AGPAT4: variants seen among roughly 807,000 people sequenced by gnomAD.
AGPAT4 encodes 1-acyl-sn-glycerol-3-phosphate acyltransferase delta.
In AGPAT4, 15 loss-of-function variants were observed where a neutral mutation model predicts 48.0. The observed-to-expected ratio is 0.31, with a 90% confidence interval of 0.21 to 0.48. AGPAT4 has a LOEUF of 0.48. Ranked by LOEUF, AGPAT4 falls within the 20% of genes least tolerant of loss-of-function variation. AGPAT4 has a pLI of 0.99. For missense variants in AGPAT4, 314 were observed against 482.5 expected (o/e 0.65, Z 3.27); for synonymous variants, 178 against 198.7 (o/e 0.90, Z 0.88).
In AGPAT4 at chr6:161,214,164, A is replaced by G. The variant is rs1376371774; in HGVS notation, c.178+17872T>C. 6.6e-6 allele frequency among the ~76,000 whole-genome samples: 1 copy of G among 152,120 alleles called. No homozygotes were observed. The highest frequency in any genetic ancestry group is 1.5e-5 in the Non-Finnish European group (1 of 68,006). On this transcript the variant is annotated intron_variant, in intron 2 of 8. Coordinates refer to ENST00000320285, the MANE Select transcript of AGPAT4 (RefSeq NM_020133.3). This position sits in a 1 kb window ranked among gnomAD's most constrained non-coding sequence, Gnocchi z 5.4. ...GTGACCTGGAAGCCCCTCTCCTTCG[A>G]GTTGTCCTGCCTTTCCAGACCAAAC...
At position 161,131,730 on chromosome 6, in the gene AGPAT4, G is replaced by A. The variant is rs1778905380; in HGVS notation, c.*4810C>T. The A allele has an allele frequency of 6.6e-6, 1 of 152,234 alleles. No homozygotes were observed. The highest frequency in any genetic ancestry group is 6.5e-5 in the Admixed American group (1 of 15,284). The allele number at this position is 152,234 out of a possible 1,614,324, so 9.4% of individuals were successfully genotyped here. ...TAGCAGTAATTTCAAACAGTTGAAT[G>A]TCGTGATCGATACTATGTCAGTTGG... On this transcript the variant is annotated 3_prime_UTR_variant, in exon 9 of 9. Transcript: ENST00000320285.
At position 161,257,027 on chromosome 6, in the gene AGPAT4, C is replaced by T. The variant is rs145811920; in HGVS notation, c.-90+16911G>A. 2.1e-3 allele frequency among the ~76,000 whole-genome samples: 320 copies of T among 152,342 alleles called. 1 individual carries two copies. Among genetic ancestry groups the T allele is most frequent in the African/African-American group, 7.4e-3 (307 of 41,584 alleles). ...GTGGAGGCAGAGGTCTTCACTTTTC[C>T]TCTAAGTCCTTACTAAGAATTTTCC... is the stretch of plus-strand genomic sequence containing the variant. On this transcript the variant is annotated intron_variant, in intron 1 of 8. Coordinates refer to ENST00000320285, the MANE Select transcript of AGPAT4 (RefSeq NM_020133.3).
rs562765031 is a variant in AGPAT4 at position 161,249,480 on chromosome 6, C to G, written c.-89-17178G>C. Among the ~76,000 whole-genome samples the G allele has an allele frequency of 6.6e-6, 1 of 152,192 alleles. No homozygotes were observed. Among genetic ancestry groups the G allele is most frequent in the South Asian group, 2.1e-4 (1 of 4,814 alleles). On this transcript the variant is annotated intron_variant, in intron 1 of 8. Transcript: ENST00000320285. This position sits in a 1 kb window ranked among gnomAD's most constrained non-coding sequence, Gnocchi z 6.2. ...AAATAAATTTACGAGAAAAAACACACAACCCCATTAAAAAGTGGGCAAAGG... is the reference window on the plus strand; with the variant it reads ...AAATAAATTTACGAGAAAAAACACAGAACCCCATTAAAAAGTGGGCAAAGG...
Position 161,139,010 on chromosome 6 carries a change from C to A in AGPAT4, c.1042+412G>T, listed in dbSNP as rs767254958. On this transcript the variant is annotated intron_variant, in intron 8 of 8. Coordinates refer to ENST00000320285, the MANE Select transcript of AGPAT4 (RefSeq NM_020133.3). This position sits in a 1 kb window ranked among gnomAD's most constrained non-coding sequence, Gnocchi z 9.1. ...GCAGCAAAGGAGAAGCCACAGGCGC[C>A]CCCAGAGGAAGGCAGGGAGCTGCCC... Among the ~76,000 whole-genome samples, 1 of 152,208 alleles carries A rather than the reference C, an allele frequency of 6.6e-6. No individual in the cohort carries two copies. Among genetic ancestry groups the A allele is most frequent in the Non-Finnish European group, 1.5e-5 (1 of 68,042 alleles).
chr6:161,260,761 C>A (rs577962378), intron 1 of AGPAT4, among the ~76,000 whole-genome samples: 2 of 151,690 alleles, frequency 1.3e-5, no homozygotes, highest in South Asian at 4.2e-4. Context: ...GTGGTGTGCA[C>A]CCATAGTCCC....
chr6:161,131,022 AATT>A lies in AGPAT4; in HGVS notation c.*5515_*5517del, dbSNP rs1778884761. Reference sequence around the variant, plus strand: ...GTAATTTATTTTGGAAATGCAAAGGAATTATTATGCAGCAATCTTAACTTTGTG... The same window carrying A: ...GTAATTTATTTTGGAAATGCAAAGGAATTATGCAGCAATCTTAACTTTGTG... On this transcript the variant is annotated 3_prime_UTR_variant, in exon 9 of 9. Transcript: ENST00000320285. 1 of 421,568 alleles carries A rather than the reference AATT, an allele frequency of 2.4e-6. No homozygotes were observed. The highest frequency in any genetic ancestry group is 3.7e-4 in the Middle Eastern group (1 of 2,708). The allele number at this position is 421,568 out of a possible 1,614,324, so 26.1% of individuals were successfully genotyped here. A position where few individuals can be genotyped will look rare whatever the true frequency, so the allele number is the denominator to read the frequency against.
Position 161,251,054 on chromosome 6 carries a change from G to A in AGPAT4, c.-89-18752C>T, listed in dbSNP as rs571473806. ...TTAGCTTATTGGAGGTTTAAATTAC[G>A]ATGAAGTAAGAACTGTAATTTCTTT... On this transcript the variant is annotated intron_variant, in intron 1 of 8. Coordinates refer to ENST00000320285, the MANE Select transcript of AGPAT4 (RefSeq NM_020133.3). The surrounding 1 kb of genome is among the most constrained non-coding windows in gnomAD (Gnocchi z 4.6). 5.9e-5 allele frequency among the ~76,000 whole-genome samples: 9 copies of A among 152,212 alleles called. No individual in the cohort carries two copies. The highest frequency in any genetic ancestry group is 1.9e-4 in the East Asian group (1 of 5,188).
rs1780874769 is a variant in AGPAT4, at chr6:161,189,950, TTG to T, written c.179-23535_179-23534del. ...CTATTGATGGCATCCCTTAGTTTAA[TTG>T]GAGCATTTCTTTTCCTTTCTTAGAG... On this transcript the variant is annotated intron_variant, in intron 2 of 8. Coordinates refer to ENST00000320285, the MANE Select transcript of AGPAT4 (RefSeq NM_020133.3). This position sits in a 1 kb window ranked among gnomAD's most constrained non-coding sequence, Gnocchi z 5.3. 1.3e-5 allele frequency among the ~76,000 whole-genome samples: 2 copies of T among 152,254 alleles called. No homozygotes were observed. The highest frequency in any genetic ancestry group is 1.3e-4 in the Admixed American group (2 of 15,292).
Position 161,166,503 on chromosome 6 carries a change from C to T in AGPAT4, c.179-86G>A, listed in dbSNP as rs926893961. On this transcript the variant is annotated intron_variant, in intron 2 of 8. Transcript: ENST00000320285. This position sits in a 1 kb window ranked among gnomAD's most constrained non-coding sequence, Gnocchi z 6.7. ...TGAGAGCAGGGCTCTGCCCTCCCAG[C>T]TAGGGGAGAAAGCAACTTCTACGGG... 1 of 1,469,970 alleles carries T rather than the reference C, an allele frequency of 6.8e-7. No individual in the cohort carries two copies. The highest frequency in any genetic ancestry group is 9.1e-7 in the Non-Finnish European group (1 of 1,099,510). 91.1% of individuals were successfully genotyped at this position (1,469,970 alleles called of 1,614,324 possible).
Position 161,259,407 on chromosome 6 carries a change from T to G in AGPAT4, c.-90+14531A>C, listed in dbSNP as rs1407603158. On this transcript the variant is annotated intron_variant, in intron 1 of 8. Coordinates refer to ENST00000320285, the MANE Select transcript of AGPAT4 (RefSeq NM_020133.3). The surrounding 1 kb of genome is among the most constrained non-coding windows in gnomAD (Gnocchi z 4.9). Reference sequence around the variant, plus strand: ...TATGACCTTGGCTGTCCGCAGCGCGTATGCTTTGAGTTGCTGGTGATCACG... The same window carrying G: ...TATGACCTTGGCTGTCCGCAGCGCGGATGCTTTGAGTTGCTGGTGATCACG... Among the ~76,000 whole-genome samples, 1 of 152,090 alleles carries G rather than the reference T, an allele frequency of 6.6e-6. No individual in the cohort carries two copies. The highest frequency in any genetic ancestry group is 1.5e-5 in the Non-Finnish European group (1 of 68,018).
At chr6:161,271,191 C>G (rs1409528275) in intron 1 of AGPAT4, among the ~76,000 whole-genome samples, 1 of 150,856 alleles carries the variant, frequency 6.6e-6, no homozygotes. Flanking sequence ...ACTGACTTCT[C>G]CCTTCTTGGA....
In AGPAT4 at chr6:161,272,731, CAA is replaced by C. The variant is rs1491180989; in HGVS notation, c.-90+1205_-90+1206del. On this transcript the variant is annotated intron_variant, in intron 1 of 8. Coordinates refer to ENST00000320285, the MANE Select transcript of AGPAT4 (RefSeq NM_020133.3). This position sits in a 1 kb window ranked among gnomAD's most constrained non-coding sequence, Gnocchi z 4.2. The stretch of plus-strand genomic sequence containing the variant: ...ACACACACACACACACACACACACA[CAA>C]ACACACACATTCTCCCTTCTCTCAA... Among the ~76,000 whole-genome samples, 4 of 151,788 alleles carry C rather than the reference CAA, an allele frequency of 2.6e-5. No individual in the cohort carries two copies. The highest frequency in any genetic ancestry group is 2.0e-4 in the Admixed American group (3 of 15,242).
At position 161,131,432 on chromosome 6, in the gene AGPAT4, C is replaced by G. The variant is rs1156540504; in HGVS notation, c.*5108G>C. The G allele has an allele frequency of 6.6e-6, 1 of 152,610 alleles. No homozygotes were observed. Among genetic ancestry groups the G allele is most frequent in the Non-Finnish European group, 1.5e-5 (1 of 68,336 alleles). 9.5% of individuals were successfully genotyped at this position (152,610 alleles called of 1,614,324 possible). A position where few individuals can be genotyped will look rare whatever the true frequency, so the allele number is the denominator to read the frequency against. ...CAAAATATTGACTGTACAAATTACT[C>G]AAGTTTATTTTGGCCTAATTATTCT... On this transcript the variant is annotated 3_prime_UTR_variant, in exon 9 of 9. Coordinates refer to ENST00000320285, the MANE Select transcript of AGPAT4 (RefSeq NM_020133.3).
In AGPAT4 at chr6:161,142,724, C is replaced by T. The variant is rs1261100619; in HGVS notation, c.844-3104G>A. Among the ~76,000 whole-genome samples, 7 of 152,080 alleles carry T rather than the reference C, an allele frequency of 4.6e-5. No homozygotes were observed. The South Asian group carries it at 6.2e-4, about 14-fold the overall frequency. ...AAGTTGAGGAACAGAGAGGAAGAAG[C>T]GGCTCCTCTTAGTCAGCAAGTCTGG... On this transcript the variant is annotated intron_variant, in intron 7 of 8. Coordinates refer to ENST00000320285, the MANE Select transcript of AGPAT4 (RefSeq NM_020133.3). The surrounding 1 kb of genome is among the most constrained non-coding windows in gnomAD (Gnocchi z 6.4).
rs1782920889 is a variant in AGPAT4, at chr6:161,255,459, G to A, written c.-90+18479C>T. ...GCGTTGCTCTCGATAGCCAAAGGCC[G>A]AAACAGCCCCAGTGTTCATCAACTG... On this transcript the variant is annotated intron_variant, in intron 1 of 8. Coordinates refer to ENST00000320285, the MANE Select transcript of AGPAT4 (RefSeq NM_020133.3). The surrounding 1 kb of genome is among the most constrained non-coding windows in gnomAD (Gnocchi z 4.7). Among the ~76,000 whole-genome samples, 1 of 152,116 alleles carries A rather than the reference G, an allele frequency of 6.6e-6. No homozygotes were observed. The highest frequency in any genetic ancestry group is 1.5e-5 in the Non-Finnish European group (1 of 68,020).
intron 2 of AGPAT4, among the ~76,000 whole-genome samples, chr6:161,172,521 A>G (rs890773585): frequency 9.9e-5 from 15 of 152,234 alleles, no homozygotes; most frequent in African/African-American, 2.4e-5. Context: ...CCACCTGGGA[A>G]AGGCCAGCTG....
Position 161,137,595 on chromosome 6 carries a change from C to CAGAA in AGPAT4, c.1043-965_1043-962dup, listed in dbSNP as rs1779107739. ...CAGTGAGAGTGGAGTTATTGTAGAG[C>CAGAA]AGAAAGAAGTGAGTAAAACGTGGAC... On this transcript the variant is annotated intron_variant, in intron 8 of 8. Transcript: ENST00000320285. This position sits in a 1 kb window ranked among gnomAD's most constrained non-coding sequence, Gnocchi z 6.1. Among the ~76,000 whole-genome samples, 1 of 152,124 alleles carries CAGAA rather than the reference C, an allele frequency of 6.6e-6. No individual in the cohort carries two copies. The highest frequency in any genetic ancestry group is 6.5e-5 in the Admixed American group (1 of 15,284).
rs779793702 is a variant in AGPAT4, at chr6:161,136,502, T to TC, written c.*37dup. 7 of 1,577,498 alleles carry TC rather than the reference T, an allele frequency of 4.4e-6. No homozygotes were observed. Among genetic ancestry groups the TC allele is most frequent in the Non-Finnish European group, 6.1e-6 (7 of 1,147,274 alleles). ...AGGAGGATATGCAGAGGCCACCAGT[T>TC]CCCCAAGGTTCCCTTCGGATGGTGA... is the stretch of plus-strand genomic sequence containing the variant. On this transcript the variant is annotated 3_prime_UTR_variant, in exon 9 of 9. Transcript: ENST00000320285.
chr6:161,260,345 G>C (rs1783063913), intron 1 of AGPAT4, among the ~76,000 whole-genome samples: 1 of 152,116 alleles, frequency 6.6e-6, no homozygotes, highest in Non-Finnish European at 1.5e-5. Flanking sequence ...TACTCTCTTG[G>C]AATGTGCAGC....
Sources: allele counts gnomAD v4.1 joint callset (sites outside exome capture counted in the v4.1 genomes callset), GRCh38; gene constraint gnomAD v4.1.1; non-coding constraint Gnocchi (gnomAD v3.1); transcripts MANE v1.5; gene names NCBI Gene and HGNC (gene_info 2026-07-23, HGNC 2026-07-21).